Variants in ZBED5 observed in about 807,000 individuals in gnomAD.
ZBED5 encodes the protein zinc finger BED domain-containing protein 5.
A neutral mutation model predicts 49.2 loss-of-function variants in ZBED5; 29 were observed. The observed-to-expected ratio is 0.59, with a 90% CI of 0.44 to 0.80. The LOEUF (loss-of-function observed/expected upper bound fraction) is 0.80. Among genes scored for constraint, ZBED5 ranks in the 30% least tolerant of loss-of-function variants. The pLI is 0.00. For synonymous variants in ZBED5, 281 were observed against 292.5 expected (o/e 0.96, Z 0.40); for missense variants, 775 against 812.9 (o/e 0.95, Z 0.57).
rs536454145 is a variant in ZBED5 at position 10,857,241 on chromosome 11, C to T, written c.-256+621G>A. On this transcript the variant is annotated intron_variant, in intron 1 of 2. Transcript: ENST00000413761. This position sits in a 1 kb window ranked among gnomAD's most constrained non-coding sequence, Gnocchi z 6.3. Reference sequence around the variant, plus strand: ...ACCCCACCTCTTCGAAGGTGTTTCCCCGAATTTCTCGAGGACAAAGAATCT... The same window carrying T: ...ACCCCACCTCTTCGAAGGTGTTTCCTCGAATTTCTCGAGGACAAAGAATCT... 6.6e-6 allele frequency: 1 copy of T among 152,322 alleles called. No individual in the cohort carries two copies. The highest frequency in any genetic ancestry group is 2.1e-4 in the South Asian group (1 of 4,826). The allele number at this position is 152,322 out of a possible 1,614,324, so 9.4% of individuals were successfully genotyped here.
chr11:10,853,379 TTTC>T lies in ZBED5; in HGVS notation c.1564_1566del (p.Glu522del), dbSNP rs2119512143. ...CTGAGTGTAGGAAAACAATCAAAGTTTTCTTCTTCTACAGATGAGGCCCAAAAT... is the reference window on the plus strand; with the variant it reads ...CTGAGTGTAGGAAAACAATCAAAGTTTTCTTCTACAGATGAGGCCCAAAAT... On this transcript the variant is annotated inframe_deletion, in exon 3 of 3. Transcript: ENST00000413761. The surrounding 1 kb of genome is among the most constrained non-coding windows in gnomAD (Gnocchi z 5.4). 7 of 1,551,184 alleles carry T rather than the reference TTTC, an allele frequency of 4.5e-6. No homozygotes were observed. The highest frequency in any genetic ancestry group is 6.1e-6 in the Non-Finnish European group (7 of 1,146,838).
At position 10,855,083 on chromosome 11, in the gene ZBED5, TTTTC is replaced by T; in HGVS notation, c.-141-1_-139del. 6 of 1,047,416 alleles carry T rather than the reference TTTTC, an allele frequency of 5.7e-6. No individual in the cohort carries two copies. The highest frequency in any genetic ancestry group is 8.0e-6 in the Non-Finnish European group (6 of 748,230). The allele number at this position is 1,047,416 out of a possible 1,614,324, so 64.9% of individuals were successfully genotyped here. A position where few individuals can be genotyped will look rare whatever the true frequency, so the allele number is the denominator to read the frequency against. The stretch of plus-strand genomic sequence containing the variant: ...CTGGTGCTCTCAGGTATGGTACACC[TTTTC>T]TTAAAGGTAGATTATCACATAAAAA... On this transcript the variant is annotated splice_acceptor_variant and 5_prime_UTR_variant, in exon 3 of 3. Coordinates refer to ENST00000413761, the MANE Select transcript of ZBED5 (RefSeq NM_001143667.2). LOFTEE classifies it low-confidence loss of function (5UTR_SPLICE). The surrounding 1 kb of genome is among the most constrained non-coding windows in gnomAD (Gnocchi z 4.1).
chr11:10,853,321 T>A lies in ZBED5; in HGVS notation c.1625A>T (p.Asp542Val). Residue 542 changes from aspartate to valine, a missense_variant, in exon 3 of 3, where the codon GAT becomes GTT. Coordinates refer to ENST00000413761, the MANE Select transcript of ZBED5 (RefSeq NM_001143667.2). This position sits in a 1 kb window ranked among gnomAD's most constrained non-coding sequence, Gnocchi z 5.4. ...DFLTEINSTV[D>V]KDICSAIVQH... ...CACAATGGCACTGCAAATATCTTTA[T>A]CAACTGTAGAATTAATTTCAGTCAA... 6.4e-7 allele frequency: 1 copy of A among 1,551,694 alleles called. No homozygotes were observed. Among genetic ancestry groups the A allele is most frequent in the South Asian group, 1.2e-5 (1 of 84,068 alleles).
In ZBED5 at chr11:10,854,198, G is replaced by C. The variant is rs777344701; in HGVS notation, c.748C>G (p.Arg250Gly). ...TCAGCAGCTAGATCCTTAATTCGAC[G>C]TGCAACAGTACTGTTTGATAGCTGT... The part of the protein sequence containing the change: ...AVQLSNSTVA[R>G]RIKDLAADIE... Residue 250 changes from arginine (R) to glycine (G), a missense_variant, in exon 3 of 3, where the codon CGT becomes GGT. Arg to Gly is a moderately radical substitution (Grantham distance 125). Transcript: ENST00000413761. This position sits in a 1 kb window ranked among gnomAD's most constrained non-coding sequence, Gnocchi z 5.0. 1 of 1,550,856 alleles carries C rather than the reference G, an allele frequency of 6.4e-7. No individual in the cohort carries two copies.
chr11:10,857,279 G>A lies in ZBED5; in HGVS notation c.-256+583C>T, dbSNP rs1266405566. 6.6e-6 allele frequency: 1 copy of A among 152,230 alleles called. No homozygotes were observed. Among genetic ancestry groups the A allele is most frequent in the Admixed American group, 6.5e-5 (1 of 15,288 alleles). The allele number at this position is 152,230 out of a possible 1,614,324, so 9.4% of individuals were successfully genotyped here. A position where few individuals can be genotyped will look rare whatever the true frequency, so the allele number is the denominator to read the frequency against. On this transcript the variant is annotated intron_variant, in intron 1 of 2. Coordinates refer to ENST00000413761, the MANE Select transcript of ZBED5 (RefSeq NM_001143667.2). The surrounding 1 kb of genome is among the most constrained non-coding windows in gnomAD (Gnocchi z 6.3). ...GGACAAAGAATCTGGACTCCTTTGA[G>A]AGTAAAGTTTCCTTTCCACTCCCTG...
Position 10,855,131 on chromosome 11 carries a change from G to A in ZBED5, c.-141-45C>T, listed in dbSNP as rs1465621214. 4 of 654,192 alleles carry A rather than the reference G, an allele frequency of 6.1e-6. No homozygotes were observed. Among genetic ancestry groups the A allele is most frequent in the African/African-American group, 1.8e-5 (1 of 54,448 alleles). The allele number at this position is 654,192 out of a possible 1,614,324, so 40.5% of individuals were successfully genotyped here. ...ATAAAAATAAAAGCTATAGAAATGA[G>A]TTTAGCAGTCTTAATCTCATATTTA... On this transcript the variant is annotated intron_variant, in intron 2 of 2. Transcript: ENST00000413761. This position sits in a 1 kb window ranked among gnomAD's most constrained non-coding sequence, Gnocchi z 4.1.
rs1334068456 is a variant in ZBED5, at chr11:10,854,920, A to G, written c.26T>C (p.Leu9Pro). Reference sequence around the variant, plus strand: ...CGCAAATGTGTTGAAATTATAAGACAGGATACAAAGAAGAGGAGCAATCAT... The same window carrying G: ...CGCAAATGTGTTGAAATTATAAGACGGGATACAAAGAAGAGGAGCAATCAT... MIAPLLCI[L>P]SYNFNTFAIL... The change falls in exon 3 of 3, where the codon CTG (leucine) becomes CCG (proline). Residue 9 changes from leucine to proline, a missense_variant. By Grantham distance (98) the Leu-to-Pro change is moderately conservative (BLOSUM62 -3). Coordinates refer to ENST00000413761, the MANE Select transcript of ZBED5 (RefSeq NM_001143667.2). The surrounding 1 kb of genome is among the most constrained non-coding windows in gnomAD (Gnocchi z 5.0). 23 of 1,550,444 alleles carry G rather than the reference A, an allele frequency of 1.5e-5. No individual in the cohort carries two copies. Among genetic ancestry groups the G allele is most frequent in the South Asian group, 2.4e-5 (2 of 84,024 alleles).
rs1424600965 is a variant in ZBED5 at position 10,854,790 on chromosome 11, G to C, written c.156C>G (p.Phe52Leu). 33 of 1,551,924 alleles carry C rather than the reference G, an allele frequency of 2.1e-5. No individual in the cohort carries two copies. The change falls in exon 3 of 3, where the codon TTC (phenylalanine) becomes TTG (leucine). Residue 52 changes from phenylalanine to leucine, a missense_variant. Physicochemically the swap from Phe to Leu is conservative, Grantham distance 22 (BLOSUM62 0). Coordinates refer to ENST00000413761, the MANE Select transcript of ZBED5 (RefSeq NM_001143667.2). The surrounding 1 kb of genome is among the most constrained non-coding windows in gnomAD (Gnocchi z 5.0). ...TTGATTCAGACACAATCTGATAACAGAAAGATTCCACTTCTTGTTTAAGAC... is the reference window on the plus strand; with the variant it reads ...TTGATTCAGACACAATCTGATAACACAAAGATTCCACTTCTTGTTTAAGAC... ...QGSLKQEVES[F>L]CYQIVSESND...
chr11:10,854,218 A>T lies in ZBED5; in HGVS notation c.728T>A (p.Leu243Gln). 1.3e-6 allele frequency: 2 copies of T among 1,551,080 alleles called. No individual in the cohort carries two copies. The highest frequency in any genetic ancestry group is 1.7e-6 in the Non-Finnish European group (2 of 1,146,554). ...TCGACGTGCAACAGTACTGTTTGAT[A>T]GCTGTACTGCATCTATTTTTTTACT... ...QYSKKIDAVQ[L>Q]SNSTVARRIK... The change falls in exon 3 of 3, where the codon CTA (leucine) becomes CAA (glutamine). Residue 243 changes from leucine (L) to glutamine (Q), a missense_variant. Leu to Gln is a moderately radical substitution (Grantham distance 113). Transcript: ENST00000413761. This position sits in a 1 kb window ranked among gnomAD's most constrained non-coding sequence, Gnocchi z 5.0.
In ZBED5 at chr11:10,853,732, C is replaced by A. The variant is rs568103571; in HGVS notation, c.1214G>T (p.Arg405Leu). Residue 405 changes from arginine to leucine, a missense_variant, in exon 3 of 3, where the codon CGA becomes CTA. Transcript: ENST00000413761. The surrounding 1 kb of genome is among the most constrained non-coding windows in gnomAD (Gnocchi z 5.4). ...TTTTAATAGTCTGGATTGATGTGGT[C>A]GAGCTTTAATATAATTGATGATTTG... ...AVQIINYIKA[R>L]PHQSRLLKIL... The A allele has an allele frequency of 3.9e-6, 6 of 1,551,516 alleles. No homozygotes were observed. The highest frequency in any genetic ancestry group is 5.2e-6 in the Non-Finnish European group (6 of 1,146,914).
rs1848168386 is a variant in ZBED5 at position 10,855,500 on chromosome 11, T to C, written c.-141-414A>G. ...ACTTTACGTACAAAACCAGACAGCATGGGCCATAATTTATCAGCCCTGTCT... is the reference window on the plus strand; with the variant it reads ...ACTTTACGTACAAAACCAGACAGCACGGGCCATAATTTATCAGCCCTGTCT... On this transcript the variant is annotated intron_variant, in intron 2 of 2. Coordinates refer to ENST00000413761, the MANE Select transcript of ZBED5 (RefSeq NM_001143667.2). This position sits in a 1 kb window ranked among gnomAD's most constrained non-coding sequence, Gnocchi z 4.1. Among the ~76,000 whole-genome samples the C allele has an allele frequency of 6.6e-6, 1 of 152,226 alleles. No individual in the cohort carries two copies. The highest frequency in any genetic ancestry group is 2.1e-4 in the South Asian group (1 of 4,836).
In ZBED5 at chr11:10,852,928, C is replaced by T; in HGVS notation, c.2018G>A (p.Ser673Asn). 6.4e-7 allele frequency: 1 copy of T among 1,551,324 alleles called. No individual in the cohort carries two copies. The change falls in exon 3 of 3, where the codon AGC (serine) becomes AAC (asparagine). Residue 673 changes from serine (S) to asparagine (N), a missense_variant. Ser to Asn is a conservative substitution (Grantham distance 46). Transcript: ENST00000413761. Reference sequence around the variant, plus strand: ...CCGCTTAATATTAGGTGTAATATTGCTAAGTCGGATTCGCATATGAGGTGC... The same window carrying T: ...CCGCTTAATATTAGGTGTAATATTGTTAAGTCGGATTCGCATATGAGGTGC... ...DAAPHMRIRL[S>N]NITPNIKRIC...
At chr11:10,856,794 T>C (rs56391524) in intron 1 of ZBED5, among the ~76,000 whole-genome samples, 21,904 of 152,238 alleles carry the variant, frequency 0.14, 2,109 homozygotes, top group Middle Eastern at 0.28. Context: ...AACCCCACTT[T>C]AGAGATAAAC....
Position 10,854,338 on chromosome 11 carries a change from T to C in ZBED5, c.608A>G (p.His203Arg). Residue 203 changes from histidine (H) to arginine (R), a missense_variant, in exon 3 of 3, where the codon CAT (histidine) becomes CGT (arginine). By Grantham distance (29) the His-to-Arg change is conservative. Coordinates refer to ENST00000413761, the MANE Select transcript of ZBED5 (RefSeq NM_001143667.2). This position sits in a 1 kb window ranked among gnomAD's most constrained non-coding sequence, Gnocchi z 5.0. The part of the protein sequence containing the change: ...ATEASYNVSY[H>R]IALSGEAHTI... ...ATGAGCCTCTCCACTCAGCGCTATA[T>C]GGTAACTTACATTGTATGATGCTTC... The C allele has an allele frequency of 6.4e-7, 1 of 1,550,768 alleles. No individual in the cohort carries two copies. The highest frequency in any genetic ancestry group is 8.7e-7 in the Non-Finnish European group (1 of 1,146,940).
At position 10,853,969 on chromosome 11, in the gene ZBED5, C is replaced by T. The variant is rs1470012162; in HGVS notation, c.977G>A (p.Ser326Asn). The T allele has an allele frequency of 3.9e-6, 6 of 1,551,448 alleles. No individual in the cohort carries two copies. Among genetic ancestry groups the T allele is most frequent in the Middle Eastern group, 1.7e-4 (1 of 6,014 alleles). The change falls in exon 3 of 3, where the codon AGT becomes AAT. Residue 326 changes from serine (S) to asparagine (N), a missense_variant. Coordinates refer to ENST00000413761, the MANE Select transcript of ZBED5 (RefSeq NM_001143667.2). This position sits in a 1 kb window ranked among gnomAD's most constrained non-coding sequence, Gnocchi z 5.4. Reference sequence around the variant, plus strand: ...TTCAATTTCATGTTTCTGCATAAAACTGTTGATACAGTTGAATATTTCTTC... The same window carrying T: ...TTCAATTTCATGTTTCTGCATAAAATTGTTGATACAGTTGAATATTTCTTC... ...TGEEIFNCIN[S>N]FMQKHEIEWE...
At chr11:10,856,350 GA>G (rs1376437139) in intron 1 of ZBED5, 93 bp from the exon 2 acceptor site, 1 of 152,150 alleles carries the variant, frequency 6.6e-6, no homozygotes, top group African/African-American at 2.4e-5. Flanking sequence ...TCTAAGCAGT[GA>G]AAATGATTCT....
intron 1 of ZBED5, among the ~76,000 whole-genome samples, chr11:10,856,930 T>G (rs111495524): frequency 1.3e-5 from 2 of 152,292 alleles, no homozygotes; most frequent in African/African-American, 4.8e-5. Context: ...TACTTTTAAT[T>G]CCCCAACTAC....
rs1208374559 is a variant in ZBED5 at position 10,853,105 on chromosome 11, T to C, written c.1841A>G (p.Asn614Ser). 9.7e-6 allele frequency: 15 copies of C among 1,551,554 alleles called. No homozygotes were observed. The highest frequency in any genetic ancestry group is 1.2e-5 in the Non-Finnish European group (14 of 1,146,978). Residue 614 changes from asparagine (N) to serine (S), a missense_variant, in exon 3 of 3, where the codon AAT (asparagine) becomes AGT (serine). Asn to Ser is a conservative substitution (Grantham distance 46, BLOSUM62 1). Coordinates refer to ENST00000413761, the MANE Select transcript of ZBED5 (RefSeq NM_001143667.2). The surrounding 1 kb of genome is among the most constrained non-coding windows in gnomAD (Gnocchi z 5.4). ...VKQNFSELSLNDFWSSLIQEY... is the reference protein window; with the variant it reads ...VKQNFSELSLSDFWSSLIQEY... ...CTGAATTAGGCTACTCCAAAAATCATTTAGTGAAAGTTCACTAAAATTTTG... is the reference window on the plus strand; with the variant it reads ...CTGAATTAGGCTACTCCAAAAATCACTTAGTGAAAGTTCACTAAAATTTTG...
chr11:10,853,631 T>C lies in ZBED5; in HGVS notation c.1315A>G (p.Lys439Glu). 6.4e-7 allele frequency: 1 copy of C among 1,551,638 alleles called. No homozygotes were observed. The stretch of plus-strand genomic sequence containing the variant: ...AGTTCAAAAAGTCTTACAAGAACTT[T>C]ACCTCGAGAAAGCCACCTCACCTCT... ...NTEVRWLSRGKVLVRLFELRR... is the reference protein window; with the variant it reads ...NTEVRWLSRGEVLVRLFELRR... Residue 439 changes from lysine (K) to glutamate (E), a missense_variant, in exon 3 of 3, where the codon AAA (lysine) becomes GAA (glutamate). Transcript: ENST00000413761. The surrounding 1 kb of genome is among the most constrained non-coding windows in gnomAD (Gnocchi z 5.4).
Sources: gnomAD v4.1 joint callset for allele counts (sites outside exome capture counted in the v4.1 genomes callset) on GRCh38, gnomAD v4.1.1 for gene constraint, Gnocchi (gnomAD v3.1) non-coding constraint, MANE v1.5 for transcripts, NCBI Gene and HGNC (gene_info 2026-07-23, HGNC 2026-07-21) for gene names.